The following SH3GL2 variants were observed in gnomAD, a reference collection of about 807,000 sequenced individuals.
The protein encoded by SH3GL2 is endophilin-A1.
SH3GL2 carries 24 observed loss-of-function variants against 46.0 expected under a neutral mutation model. That is an observed-to-expected ratio of 0.52 (90% CI 0.38 to 0.73). The LOEUF (loss-of-function observed/expected upper bound fraction) is 0.73, where lower values mean the gene tolerates loss of function less well. Among genes scored for constraint, SH3GL2 ranks in the 30% least tolerant of loss-of-function variants. The probability of loss-of-function intolerance (pLI) is 0.00; values close to 1 mark genes in which losing one functional copy is unlikely to be tolerated. For synonymous variants in SH3GL2, 196 were observed against 147.1 expected (o/e 1.33, Z -2.40); for missense variants, 413 against 424.2 (o/e 0.97, Z 0.23).
At position 17,795,789 on chromosome 9, in the gene SH3GL2, G is replaced by A. The variant is rs767195312; in HGVS notation, c.*46G>A. The A allele has an allele frequency of 7.4e-6, 11 of 1,476,530 alleles. No homozygotes were observed. Among genetic ancestry groups the A allele is most frequent in the Admixed American group, 3.4e-5 (2 of 58,432 alleles). The allele number at this position is 1,476,530 out of a possible 1,614,324, so 91.5% of individuals were successfully genotyped here. On this transcript the variant is annotated 3_prime_UTR_variant, in exon 9 of 9. Transcript: ENST00000380607. The stretch of plus-strand genomic sequence containing the variant: ...GCCTCCTCTTGACCCAGATAGTTAC[G>A]GTTAACCACTGCTTTGGCAATGCTG...
At chr9:17,635,575 AG>A (rs1819524830) in intron 1 of SH3GL2, among the ~76,000 whole-genome samples, 1 of 152,210 alleles carries the variant, frequency 6.6e-6, no homozygotes, top group South Asian at 2.1e-4. Flanking sequence ...AGTGCCTAAA[AG>A]GTATCCAGCA....
At chr9:17,776,152 C>A (rs1381866696) in intron 3 of SH3GL2, among the ~76,000 whole-genome samples, 1 of 152,096 alleles carries the variant, frequency 6.6e-6, no homozygotes, top group Non-Finnish European at 1.5e-5. Flanking sequence ...ACCCCTGTGC[C>A]TCTGCAGCCC....
intron 7 of SH3GL2, among the ~76,000 whole-genome samples, chr9:17,792,050 G>T (rs1244167532): frequency 1.3e-5 from 2 of 152,190 alleles, no homozygotes; most frequent in Non-Finnish European, 2.9e-5. Flanking sequence ...TGCTGAACAT[G>T]TATACCTCAA....
intron 1 of SH3GL2, among the ~76,000 whole-genome samples, chr9:17,720,907 A>T (rs1002993824): frequency 1.1e-4 from 16 of 152,110 alleles, no homozygotes; most frequent in African/African-American, 3.6e-4. Context: ...AGTGGTCACT[A>T]CAGTGGCTTT....
rs574752831 is a variant in SH3GL2 at position 17,724,068 on chromosome 9, T to A, written c.46-22998T>A. 5.3e-5 allele frequency among the ~76,000 whole-genome samples: 8 copies of A among 152,234 alleles called. 1 individual carries two copies. In the South Asian group the frequency reaches 1.0e-3, roughly 20 times the overall value. ...TTTTAGCTATGATTTCTTTGAATAT[T>A]CTTTGTACTTCTTTCTGTCTCTCAT... On this transcript the variant is annotated intron_variant, in intron 1 of 8. Transcript: ENST00000380607.
intron 1 of SH3GL2, among the ~76,000 whole-genome samples, chr9:17,743,044 G>A (rs1005041046): frequency 2.0e-5 from 3 of 152,156 alleles, no homozygotes; most frequent in Admixed American, 6.5e-5. Context: ...AAAAATAATA[G>A]CATCAAATAA....
At chr9:17,768,573 C>A (rs1029610906) in intron 3 of SH3GL2, among the ~76,000 whole-genome samples, 1 of 152,062 alleles carries the variant, frequency 6.6e-6, no homozygotes, top group Non-Finnish European at 1.5e-5. Context: ...TGCTTTCTGT[C>A]TCTCCTAGTT....
At chr9:17,692,717 A>G (rs1444188307) in intron 1 of SH3GL2, among the ~76,000 whole-genome samples, 3 of 152,180 alleles carry the variant, frequency 2.0e-5, no homozygotes, top group South Asian at 4.1e-4. Flanking sequence ...TTTTCACTGT[A>G]TACTTTTTAT....
chr9:17,585,448 A>T (rs1220704036), intron 1 of SH3GL2, among the ~76,000 whole-genome samples: 2 of 152,110 alleles, frequency 1.3e-5, no homozygotes, highest in African/African-American at 4.8e-5. Flanking sequence ...TCTTTTAGGT[A>T]ATGTTCAGTG....
intron 2 of SH3GL2, among the ~76,000 whole-genome samples, chr9:17,752,918 T>C (rs770152236): frequency 6.6e-6 from 1 of 152,116 alleles, no homozygotes; most frequent in Non-Finnish European, 1.5e-5. Flanking sequence ...CGTTCTTGTG[T>C]TCTCATCATT....
intron 1 of SH3GL2, among the ~76,000 whole-genome samples, chr9:17,603,434 C>G (rs1393065691): frequency 6.6e-6 from 1 of 152,146 alleles, no homozygotes. Flanking sequence ...CTAGAGTAGT[C>G]AAATTCATAG....
intron 1 of SH3GL2, 21 bp downstream of exon 1, chr9:17,579,308 G>T: frequency 1.9e-6 from 3 of 1,539,088 alleles, no homozygotes; most frequent in Non-Finnish European, 1.8e-6. Flanking sequence ...CGGCAGGTGC[G>T]TCCCGGGGCA....
intron 1 of SH3GL2, among the ~76,000 whole-genome samples, chr9:17,630,928 T>G (rs1819406990): frequency 6.6e-6 from 1 of 152,060 alleles, no homozygotes; most frequent in African/African-American, 2.4e-5. Context: ...TGTAGAAAAT[T>G]AGAACCCTTT....
chr9:17,592,275 G>T (rs1818499122), intron 1 of SH3GL2, among the ~76,000 whole-genome samples: 1 of 152,192 alleles, frequency 6.6e-6, no homozygotes. Flanking sequence ...TTGGATGTCT[G>T]CTGCCCTCAG....
intron 1 of SH3GL2, among the ~76,000 whole-genome samples, chr9:17,645,151 CT>C (rs57611978): frequency 1.3e-4 from 9 of 68,778 alleles, no homozygotes; most frequent in African/African-American, 2.6e-4. Flanking sequence ...GCAAACGCTG[CT>C]TTTTTTTTTT....
At chr9:17,607,263 C>G (rs1418734592) in intron 1 of SH3GL2, among the ~76,000 whole-genome samples, 1 of 152,172 alleles carries the variant, frequency 6.6e-6, no homozygotes, top group Non-Finnish European at 1.5e-5. Flanking sequence ...AGGTAATGAA[C>G]CTGTACAGCA....
chr9:17,627,184 G>T (rs150746679), intron 1 of SH3GL2, among the ~76,000 whole-genome samples: 1 of 152,292 alleles, frequency 6.6e-6, no homozygotes, highest in East Asian at 1.9e-4. Flanking sequence ...AACGTCAGCT[G>T]CTGTTTTTAT....
chr9:17,596,404 G>A lies in SH3GL2; in HGVS notation c.45+17117G>A, dbSNP rs73641994. On this transcript the variant is annotated intron_variant, in intron 1 of 8. Transcript: ENST00000380607. ...GTCATAGCATTGACACTGTTTTTTC[G>A]TAAAGGGAAAGAGGGCAGCTAAGAC... Among the ~76,000 whole-genome samples, 547 of 151,486 alleles carry A rather than the reference G, an allele frequency of 3.6e-3. 4 individuals are homozygous for A. The highest frequency in any genetic ancestry group is 0.012 in the African/African-American group (509 of 41,244).
At chr9:17,757,143 C>G (rs1397239310) in intron 2 of SH3GL2, among the ~76,000 whole-genome samples, 3 of 152,128 alleles carry the variant, frequency 2.0e-5, no homozygotes, top group Admixed American at 2.0e-4. Context: ...AGTGTCTGTT[C>G]CTATCCTTTG....
Sources: allele counts gnomAD v4.1 joint callset (sites outside exome capture counted in the v4.1 genomes callset), GRCh38; gene constraint gnomAD v4.1.1; transcripts MANE v1.5; gene names NCBI Gene and HGNC (gene_info 2026-07-23, HGNC 2026-07-21).